TMEM132D: variants seen among roughly 807,000 people sequenced by gnomAD.
The protein encoded by TMEM132D is transmembrane protein 132D.
TMEM132D carries 21 observed loss-of-function variants against 62.3 expected under a neutral mutation model. The observed-to-expected ratio is 0.34, with a 90% CI of 0.24 to 0.49. The LOEUF (loss-of-function observed/expected upper bound fraction) is 0.49. Among genes scored for constraint, TMEM132D ranks in the 20% least tolerant of loss-of-function variants. The pLI, the probability that TMEM132D is intolerant of heterozygous loss-of-function variation, is 0.99. For missense variants in TMEM132D, 1,346 were observed against 1,402.8 expected (o/e 0.96, Z 0.65); for synonymous variants, 621 against 575.6 (o/e 1.08, Z -1.13).
At chr12:129,291,790 T>C (rs1881456535) in intron 4 of TMEM132D, among the ~76,000 whole-genome samples, 1 of 152,114 alleles carries the variant, frequency 6.6e-6, no homozygotes, top group African/African-American at 2.4e-5. Flanking sequence ...GAAATGGCTA[T>C]GGGGCTATTG....
chr12:129,447,790 A>G (rs1410849249), intron 3 of TMEM132D, among the ~76,000 whole-genome samples: 1 of 152,160 alleles, frequency 6.6e-6, no homozygotes, highest in Non-Finnish European at 1.5e-5. Context: ...GTGATGTGGA[A>G]ACAGCATCAG....
intron 5 of TMEM132D, among the ~76,000 whole-genome samples, chr12:129,103,986 A>G (rs1368152632): frequency 2.0e-5 from 3 of 152,148 alleles, no homozygotes; most frequent in African/African-American, 7.2e-5. Context: ...TTACAGATTC[A>G]ATGCCATCCC....
chr12:129,657,511 A>C (rs1162621072), intron 2 of TMEM132D, among the ~76,000 whole-genome samples: 1 of 152,264 alleles, frequency 6.6e-6, no homozygotes, highest in Non-Finnish European at 1.5e-5. Context: ...GTCTCTAAGC[A>C]GCCCCTTAAC....
chr12:129,273,531 G>A (rs573957233), intron 4 of TMEM132D, among the ~76,000 whole-genome samples: 3 of 151,648 alleles, frequency 2.0e-5, no homozygotes, highest in Admixed American at 2.0e-4. Context: ...GCCCAGCCAT[G>A]GTGGACTGGA....
intron 3 of TMEM132D, among the ~76,000 whole-genome samples, chr12:129,404,248 G>C (rs1162459286): frequency 6.6e-6 from 1 of 152,106 alleles, no homozygotes; most frequent in Non-Finnish European, 1.5e-5. Flanking sequence ...GCCCAGGCTG[G>C]AGTGCAGTGG....
intron 2 of TMEM132D, among the ~76,000 whole-genome samples, chr12:129,613,787 C>CCAGAACCCAGAGGACTGTCTG (rs1463390958): frequency 7.2e-6 from 1 of 139,096 alleles, no homozygotes; most frequent in African/African-American, 2.5e-5. Flanking sequence ...GTGACTGTCT[C>CCAGAACCCAGAGGACTGTCTG]CAGAACCCAG....
At chr12:129,383,784 C>T (rs138445956) in intron 3 of TMEM132D, among the ~76,000 whole-genome samples, 1 of 152,146 alleles carries the variant, frequency 6.6e-6, no homozygotes, top group Admixed American at 6.5e-5. Context: ...TTGATTAGTA[C>T]AATGGTTCTT....
chr12:129,714,577 C>A (rs2137238916), intron 1 of TMEM132D, among the ~76,000 whole-genome samples: 1 of 152,272 alleles, frequency 6.6e-6, no homozygotes, highest in South Asian at 2.1e-4. Context: ...GACAGACTAA[C>A]ATGTATCATA....
intron 4 of TMEM132D, among the ~76,000 whole-genome samples, chr12:129,306,514 C>T (rs896196982): frequency 6.6e-6 from 1 of 152,106 alleles, no homozygotes; most frequent in Admixed American, 6.5e-5. Context: ...GAATGCATTC[C>T]GTGGCACAAT....
chr12:129,252,754 C>G (rs188810543), intron 4 of TMEM132D, among the ~76,000 whole-genome samples: 1 of 151,960 alleles, frequency 6.6e-6, no homozygotes, highest in Non-Finnish European at 1.5e-5. Flanking sequence ...ATGTTTATAG[C>G]GGCACTATTC....
At chr12:129,707,883 A>T (rs1336933022) in intron 1 of TMEM132D, among the ~76,000 whole-genome samples, 1 of 152,212 alleles carries the variant, frequency 6.6e-6, no homozygotes, top group Non-Finnish European at 1.5e-5. Flanking sequence ...TCAAGAAAAA[A>T]ATAAACACCT....
At chr12:129,541,524 G>T (rs1876581471) in intron 2 of TMEM132D, among the ~76,000 whole-genome samples, 1 of 152,266 alleles carries the variant, frequency 6.6e-6, no homozygotes, top group African/African-American at 2.4e-5. Context: ...AATTGGGAGG[G>T]GATGGCGAGA....
chr12:129,394,109 G>A (rs950367986), intron 3 of TMEM132D, among the ~76,000 whole-genome samples: 2 of 152,170 alleles, frequency 1.3e-5, no homozygotes, highest in Non-Finnish European at 2.9e-5. Context: ...TTGTGGCACG[G>A]CACGTTTTTC....
At chr12:129,154,143 G>A (rs1877161530) in intron 5 of TMEM132D, among the ~76,000 whole-genome samples, 1 of 152,152 alleles carries the variant, frequency 6.6e-6, no homozygotes, top group Non-Finnish European at 1.5e-5. Context: ...GACCTCATTT[G>A]GAGATGCTCT....
At chr12:129,122,019 C>T (rs11060147) in intron 5 of TMEM132D, among the ~76,000 whole-genome samples, 45,214 of 151,990 alleles carry the variant, frequency 0.3, 7,766 homozygotes, top group Non-Finnish European at 0.39. Context: ...CGATTCTGGC[C>T]CTGTTCTTCC....
intron 3 of TMEM132D, among the ~76,000 whole-genome samples, chr12:129,345,620 A>T (rs1036606381): frequency 6.6e-6 from 1 of 152,220 alleles, no homozygotes; most frequent in Non-Finnish European, 1.5e-5. Flanking sequence ...ATGAAATATC[A>T]TATGTTCAAG....
chr12:129,111,089 G>C (rs149560748), intron 5 of TMEM132D: 1 of 152,302 alleles, frequency 6.6e-6, no homozygotes, highest in Admixed American at 6.5e-5. Flanking sequence ...TTATGTGCTC[G>C]GAGGGAGACC....
chr12:129,878,190 G>A (rs61942119), intron 1 of TMEM132D, among the ~76,000 whole-genome samples: 5,188 of 152,238 alleles, frequency 0.034, 143 homozygotes, highest in South Asian at 0.088. Flanking sequence ...GTTTTGGTGT[G>A]TCTCCTCTAT....
At chr12:129,664,690 G>T (rs189826388) in intron 2 of TMEM132D, among the ~76,000 whole-genome samples, 2 of 152,194 alleles carry the variant, frequency 1.3e-5, no homozygotes, top group African/African-American at 4.8e-5. Flanking sequence ...CTCCCAAAGT[G>T]CTGGGATTAC....
Sources: gnomAD v4.1 joint callset for allele counts (sites outside exome capture counted in the v4.1 genomes callset) on GRCh38, gnomAD v4.1.1 for gene constraint, MANE v1.5 for transcripts, NCBI Gene and HGNC (gene_info 2026-07-23, HGNC 2026-07-21) for gene names.